Variants in PCAT7 observed in about 807,000 individuals in gnomAD.
PCAT7 encodes the protein prostate cancer associated transcript 7 (non-protein coding).
At chr9:94,565,731 A>G (rs991584552) in intron 2 of PCAT7, among the ~76,000 whole-genome samples, 8 of 86,290 alleles carry the variant, frequency 9.3e-5, no homozygotes, top group African/African-American at 2.1e-4. Context: ...ATATAGGTAG[A>G]TAGATGATAG....
chr9:94,562,049 T>C (rs141307021), intron 2 of PCAT7, among the ~76,000 whole-genome samples: 4,082 of 152,204 alleles, frequency 0.027, 165 homozygotes, highest in African/African-American at 0.089. Context: ...CTGTGACTCA[T>C]ACCTGTAATC....
At chr9:94,562,120 G>A (rs561543444) in intron 2 of PCAT7, among the ~76,000 whole-genome samples, 5 of 151,942 alleles carry the variant, frequency 3.3e-5, no homozygotes, top group South Asian at 2.1e-4. Flanking sequence ...GACCATCCTG[G>A]CTAACATGGT....
intron 3 of PCAT7, chr9:94,573,069 C>G (rs1452164622): frequency 6.6e-6 from 1 of 152,156 alleles, no homozygotes; most frequent in African/African-American, 2.4e-5. Context: ...TCATCATCTT[C>G]CTTGCCTTAT....
At chr9:94,569,581 G>A (rs498533) in intron 2 of PCAT7, 73,952 of 152,078 alleles carry the variant, frequency 0.49, 18,601 homozygotes, top group African/African-American at 0.6. Flanking sequence ...TGTTTCCACA[G>A]TTTTATTAAC....
intron 2 of PCAT7, among the ~76,000 whole-genome samples, chr9:94,571,269 G>T (rs756594777): frequency 6.6e-6 from 1 of 152,120 alleles, no homozygotes; most frequent in Non-Finnish European, 1.5e-5. Context: ...TCCTCCCCCC[G>T]AGTGCCCTCA....
At chr9:94,571,776 A>G (rs1309425831) in intron 2 of PCAT7, among the ~76,000 whole-genome samples, 1 of 152,248 alleles carries the variant, frequency 6.6e-6, no homozygotes. Flanking sequence ...CAACAGTTCT[A>G]GCTGAGCCAT....
intron 1 of PCAT7, among the ~76,000 whole-genome samples, chr9:94,556,160 A>G (rs996357991): frequency 6.6e-6 from 1 of 151,464 alleles, no homozygotes; most frequent in Non-Finnish European, 1.5e-5. Flanking sequence ...AAAGGGGGAA[A>G]AGAGGGTGGT....
At chr9:94,568,207 C>T (rs1827221614) in intron 2 of PCAT7, 1 of 151,936 alleles carries the variant, frequency 6.6e-6, no homozygotes, top group Non-Finnish European at 1.5e-5. Flanking sequence ...TTTCTGGTAT[C>T]CCACTCTTAC....
intron 2 of PCAT7, chr9:94,570,710 A>G (rs1455148106): frequency 1.3e-5 from 2 of 152,190 alleles, no homozygotes; most frequent in Non-Finnish European, 2.9e-5. Flanking sequence ...AGGTGAAAAG[A>G]TTCTATTTGA....
In PCAT7 at chr9:94,560,708, GTTA is replaced by G. The variant is rs539438166; in HGVS notation, n.441+1561_441+1563del. 3.1e-3 allele frequency among the ~76,000 whole-genome samples: 458 copies of G among 146,908 alleles called. 4 individuals carry two copies. Among genetic ancestry groups the G allele is most frequent in the African/African-American group, 0.011 (435 of 40,388 alleles). On this transcript the variant is annotated intron_variant and non_coding_transcript_variant, in intron 2 of 8. Transcript: ENST00000647389. ...CTATTTTTCTATTATATATTTATAT[GTTA>G]TTATATATTATATAATATATATTTA...
chr9:94,567,541 C>T (rs1827209608), intron 2 of PCAT7: 1 of 954,004 alleles, frequency 1.0e-6, no homozygotes. Context: ...TCACTCTGAA[C>T]CTGCTCTTTG....
Position 94,556,168 on chromosome 9 carries a change from G to T in PCAT7, n.257+858G>T, listed in dbSNP as rs1434248642. ...GGTAGATAAAGGGGGAAAAGAGGGT[G>T]GTGAGCAGCAGTAGGGAAAAGGCTT... On this transcript the variant is annotated intron_variant and non_coding_transcript_variant, in intron 1 of 8. Transcript: ENST00000647389. Among the ~76,000 whole-genome samples the T allele has an allele frequency of 2.6e-5, 4 of 151,710 alleles. No homozygotes were observed. The East Asian group carries it at 7.8e-4, about 30-fold the overall frequency.
intron 2 of PCAT7, chr9:94,571,544 G>A (rs766221270): frequency 1.9e-6 from 3 of 1,613,928 alleles, no homozygotes; most frequent in East Asian, 2.2e-5. Flanking sequence ...ATAACCTGCG[G>A]CCACAATATT....
intron 1 of PCAT7, among the ~76,000 whole-genome samples, chr9:94,555,812 G>A (rs1042455909): frequency 3.3e-5 from 5 of 151,214 alleles, no homozygotes; most frequent in Admixed American, 6.6e-5. Flanking sequence ...AGGGAAAGAG[G>A]GTGACAAGGA....
chr9:94,569,163 T>C (rs1206229045), intron 2 of PCAT7: 1 of 152,234 alleles, frequency 6.6e-6, no homozygotes, highest in Non-Finnish European at 1.5e-5. Flanking sequence ...TCTGGGCCTC[T>C]TGTAGGCCAA....
intron 2 of PCAT7, chr9:94,571,421 T>A: frequency 6.5e-7 from 1 of 1,548,326 alleles, no homozygotes; most frequent in South Asian, 1.2e-5. Flanking sequence ...CAGAGGCCCA[T>A]GGAGTCCCCA....
At chr9:94,559,038 T>G in exon 2 of PCAT7, 1 of 1,614,160 alleles carries the variant, frequency 6.2e-7, no homozygotes, top group Non-Finnish European at 8.5e-7. Flanking sequence ...TGCCTCGGGC[T>G]TCACGTCCAG....
intron 1 of PCAT7, among the ~76,000 whole-genome samples, chr9:94,556,686 C>CT (rs1423866069): frequency 6.6e-6 from 1 of 152,144 alleles, no homozygotes; most frequent in African/African-American, 2.4e-5. Context: ...TTGGAAAAGG[C>CT]TTTAAGTTTA....
exon 1 of PCAT7, chr9:94,555,240 C>G (rs1247865171): frequency 6.6e-6 from 1 of 151,888 alleles, no homozygotes; most frequent in African/African-American, 2.4e-5. Context: ...AGGCTTGAGC[C>G]GCGGCACCGT....
Sources: allele counts gnomAD v4.1 joint callset (sites outside exome capture counted in the v4.1 genomes callset), GRCh38; gene constraint gnomAD v4.1.1; transcripts MANE v1.5; gene names NCBI Gene and HGNC (gene_info 2026-07-23, HGNC 2026-07-21).